TLL2: variants seen among roughly 807,000 people sequenced by gnomAD.
TLL2 encodes tolloid like 2, also known as tolloid-like protein 2.
TLL2 carries 106 observed loss-of-function variants against 123.0 expected under a neutral mutation model. The ratio of observed to expected loss-of-function variants is 0.86; its 90% CI spans 0.74 to 1.01. TLL2 has a LOEUF of 1.01. Among genes scored for constraint, TLL2 ranks in the 50% least tolerant of loss-of-function variants. The pLI is 0.00. For missense variants in TLL2, 1,332 were observed against 1,336.7 expected, an observed-to-expected ratio of 1.00 and a Z score of 0.06; for synonymous variants, 494 against 516.8, an observed-to-expected ratio of 0.96 and a Z score of 0.60.
At chr10:96,443,275 C>T (rs1269064061) in intron 3 of TLL2, among the ~76,000 whole-genome samples, 1 of 152,018 alleles carries the variant, frequency 6.6e-6, no homozygotes, top group African/African-American at 2.4e-5. Flanking sequence ...ATTTTGTTAA[C>T]AGAACGTAGC....
Position 96,380,526 on chromosome 10 carries a change from A to T in TLL2, c.2195-1434T>A, listed in dbSNP as rs182593751. ...ACCCTGTCTCTACTAAAAATACAAA[A>T]AATAATAATAATAATAATTAGCCGG... is the stretch of plus-strand genomic sequence containing the variant. On this transcript the variant is annotated intron_variant, in intron 16 of 20. Transcript: ENST00000357947. Among the ~76,000 whole-genome samples the T allele has an allele frequency of 1.5e-4, 22 of 151,612 alleles. No individual in the cohort carries two copies. The East Asian group carries it at 2.1e-3, about 15-fold the overall frequency.
chr10:96,405,965 GA>G (rs1846445668), intron 9 of TLL2, among the ~76,000 whole-genome samples: 3 of 152,204 alleles, frequency 2.0e-5, no homozygotes, highest in African/African-American at 7.2e-5. Flanking sequence ...GAGAAGGGGG[GA>G]AAGGCAGATG....
chr10:96,369,968 G>GT (rs1190820360), intron 20 of TLL2, 97 bp downstream of exon 20: 14 of 1,459,850 alleles, frequency 9.6e-6, no homozygotes, highest in Non-Finnish European at 1.3e-5. Context: ...CCTAAGTGGA[G>GT]TAGGTGGCCG....
At chr10:96,401,535 C>G (rs1199580139) in intron 10 of TLL2, among the ~76,000 whole-genome samples, 1 of 150,100 alleles carries the variant, frequency 6.7e-6, no homozygotes, top group Non-Finnish European at 1.5e-5. Context: ...CGCACACACA[C>G]AGTTAAAGTG....
chr10:96,386,064 T>C lies in TLL2; in HGVS notation c.2004A>G (p.Glu668=). 2 of 1,600,770 alleles carry C rather than the reference T, an allele frequency of 1.2e-6. No homozygotes were observed. Among genetic ancestry groups the C allele is most frequent in the Non-Finnish European group, 1.7e-6 (2 of 1,173,600 alleles). Residue 668 remains glutamate (E), a synonymous_variant, in exon 15 of 21, where the codon GAA becomes GAG. Coordinates refer to ENST00000357947, the MANE Select transcript of TLL2 (RefSeq NM_012465.4). ...ISLQFEVFEL[E]GNDVCKYDFV... ...GAGCATGGAGACATACGTCATTGCC[T>C]TCCAGTTCAAACACTTCAAACTGAA...
At chr10:96,440,054 A>G (rs1037379498) in intron 3 of TLL2, among the ~76,000 whole-genome samples, 4 of 152,316 alleles carry the variant, frequency 2.6e-5, no homozygotes, top group Admixed American at 2.0e-4. Context: ...GTCAGAGCAC[A>G]TGTTCTGTTT....
At chr10:96,463,884 G>A (rs536018999) in intron 2 of TLL2, among the ~76,000 whole-genome samples, 1 of 152,384 alleles carries the variant, frequency 6.6e-6, no homozygotes, top group African/African-American at 2.4e-5. Flanking sequence ...GGGCAGCAGA[G>A]CTGAGTCCTG....
chr10:96,383,351 T>C (rs1846202532), intron 16 of TLL2, among the ~76,000 whole-genome samples: 1 of 152,216 alleles, frequency 6.6e-6, no homozygotes, highest in Non-Finnish European at 1.5e-5. Flanking sequence ...TCATCTTGAA[T>C]TGTAGCTCCC....
Position 96,422,617 on chromosome 10 carries a change from A to G in TLL2, c.749T>C (p.Phe250Ser). Reference sequence around the variant, plus strand: ...GTCTGGCCGGGTGTGTTCATGCCAAAACCCAACCACATGGCCCAGCTCGTG... The same window carrying G: ...GTCTGGCCGGGTGTGTTCATGCCAAGACCCAACCACATGGCCCAGCTCGTG... ...VAHELGHVVG[F>S]WHEHTRPDRD... Residue 250 changes from phenylalanine to serine, a missense_variant, in exon 6 of 21, where the codon TTT becomes TCT. Transcript: ENST00000357947. The G allele has an allele frequency of 4.3e-6, 7 of 1,614,158 alleles. No individual in the cohort carries two copies. Among genetic ancestry groups the G allele is most frequent in the Non-Finnish European group, 5.9e-6 (7 of 1,180,020 alleles).
chr10:96,504,963 G>A (rs568877127), intron 1 of TLL2, among the ~76,000 whole-genome samples: 10 of 152,270 alleles, frequency 6.6e-5, no homozygotes, highest in African/African-American at 7.2e-5. Context: ...AGCCGAGATC[G>A]CACCGCTGCA....
intron 2 of TLL2, among the ~76,000 whole-genome samples, chr10:96,456,839 A>G (rs1413878638): frequency 2.0e-5 from 3 of 152,212 alleles, no homozygotes; most frequent in Non-Finnish European, 4.4e-5. Flanking sequence ...GAACAGTGCA[A>G]GCAACCTGGT....
chr10:96,492,398 T>C (rs1410578400), intron 1 of TLL2, among the ~76,000 whole-genome samples: 1 of 152,132 alleles, frequency 6.6e-6, no homozygotes, highest in Non-Finnish European at 1.5e-5. Context: ...CCGAGGTGGG[T>C]GGGTCACCTG....
intron 7 of TLL2, 130 bp from the exon 8 acceptor site, chr10:96,413,446 G>T: frequency 1.7e-6 from 2 of 1,195,920 alleles, no homozygotes; most frequent in African/African-American, 1.5e-5. Context: ...CCTCTCCCAG[G>T]CTGGCATGAC....
chr10:96,463,502 T>C (rs1410804349), intron 2 of TLL2, among the ~76,000 whole-genome samples: 1 of 152,192 alleles, frequency 6.6e-6, no homozygotes, highest in Non-Finnish European at 1.5e-5. Flanking sequence ...TGGGTCTCCA[T>C]GTCCTCTGCT....
At chr10:96,498,209 C>T (rs1421321957) in intron 1 of TLL2, among the ~76,000 whole-genome samples, 4 of 152,152 alleles carry the variant, frequency 2.6e-5, no homozygotes, top group Admixed American at 2.0e-4. Context: ...CCCTAAGTCG[C>T]AGAGGATGGA....
Position 96,446,164 on chromosome 10 carries a change from C to T in TLL2, c.291G>A (p.Gly97=). The stretch of plus-strand genomic sequence containing the variant: ...TGCTCTCAGATGCCTGCTCTTCAAG[C>T]CCACCTAGAGGAATGGAGAAGAAAG... ...TVGATGHSTG[G]LEEQASESSP... is the part of the protein sequence containing the mutation. Residue 97 remains glycine, a synonymous_variant, in exon 3 of 21, where the codon GGG becomes GGA. Transcript: ENST00000357947. 1.2e-6 allele frequency: 2 copies of T among 1,614,070 alleles called. No homozygotes were observed. The highest frequency in any genetic ancestry group is 2.2e-5 in the East Asian group (1 of 44,886).
chr10:96,425,704 C>T (rs569057460), intron 5 of TLL2, among the ~76,000 whole-genome samples: 1 of 151,960 alleles, frequency 6.6e-6, no homozygotes, highest in South Asian at 2.1e-4. Context: ...ATTTTGTGGT[C>T]ACTTAATAGA....
At chr10:96,468,707 C>G (rs1246094091) in intron 2 of TLL2, among the ~76,000 whole-genome samples, 16 of 152,194 alleles carry the variant, frequency 1.1e-4, no homozygotes, top group Non-Finnish European at 2.9e-5. Context: ...TACCCACTCC[C>G]TGGATGGACA....
chr10:96,499,163 G>T (rs1847507620), intron 1 of TLL2, among the ~76,000 whole-genome samples: 1 of 152,200 alleles, frequency 6.6e-6, no homozygotes, highest in Non-Finnish European at 1.5e-5. Context: ...GTCTCACCTT[G>T]CACCCATGGG....
Sources: allele counts gnomAD v4.1 joint callset (sites outside exome capture counted in the v4.1 genomes callset), GRCh38; gene constraint gnomAD v4.1.1; transcripts MANE v1.5; gene names NCBI Gene and HGNC (gene_info 2026-07-23, HGNC 2026-07-21).